The following HECW2 variants were observed in gnomAD, a reference collection of about 807,000 sequenced individuals.
The protein encoded by HECW2 is E3 ubiquitin-protein ligase HECW2.
A neutral mutation model predicts 175.2 loss-of-function variants in HECW2; 61 were observed. The ratio of observed to expected loss-of-function variants is 0.35; its 90% CI spans 0.28 to 0.43. The LOEUF (loss-of-function observed/expected upper bound fraction) is 0.43, where lower values mean the gene tolerates loss of function less well. Ranked by LOEUF, HECW2 falls within the 20% of genes least tolerant of loss-of-function variation. The pLI, the probability that HECW2 is intolerant of heterozygous loss-of-function variation, is 1.00. For synonymous variants in HECW2, 671 were observed against 731.0 expected (o/e 0.92, Z 1.32); for missense variants, 1,524 against 2,000.5 (o/e 0.76, Z 4.54).
intron 18 of HECW2, among the ~76,000 whole-genome samples, chr2:196,254,744 T>A (rs559797648): frequency 1.3e-5 from 2 of 152,312 alleles, no homozygotes; most frequent in East Asian, 3.9e-4. Flanking sequence ...CCAGACAATA[T>A]GAGAGTTCTT....
At chr2:196,336,567 A>T (rs1692557707) in intron 3 of HECW2, among the ~76,000 whole-genome samples, 1 of 151,948 alleles carries the variant, frequency 6.6e-6, no homozygotes, top group Non-Finnish European at 1.5e-5. Flanking sequence ...TCTTCCCCTA[A>T]CTCTGTCTCA....
At chr2:196,584,031 A>T (rs1690889005) in intron 1 of HECW2, among the ~76,000 whole-genome samples, 1 of 151,880 alleles carries the variant, frequency 6.6e-6, no homozygotes, top group East Asian at 1.9e-4. Context: ...TAAGATACTT[A>T]CTCCACCCTT....
At chr2:196,505,476 G>A (rs1383168674) in intron 1 of HECW2, among the ~76,000 whole-genome samples, 11 of 152,020 alleles carry the variant, frequency 7.2e-5, no homozygotes, top group Admixed American at 7.2e-4. Flanking sequence ...GGAGGTGGAG[G>A]CTGCAGTGAA....
chr2:196,246,936 A>G (rs184617547), intron 19 of HECW2, among the ~76,000 whole-genome samples: 1 of 152,326 alleles, frequency 6.6e-6, no homozygotes, highest in East Asian at 1.9e-4. Flanking sequence ...TCCATCATGA[A>G]AGAAGTCATT....
intron 7 of HECW2, 21 bp downstream of exon 7, chr2:196,322,457 C>T (rs1299526721): frequency 6.2e-7 from 1 of 1,601,056 alleles, no homozygotes; most frequent in Non-Finnish European, 8.5e-7. Flanking sequence ...AACAAGATCC[C>T]CAAAGGTAAG....
intron 14 of HECW2, among the ~76,000 whole-genome samples, chr2:196,281,176 C>A (rs544111449): frequency 6.6e-6 from 1 of 152,256 alleles, no homozygotes; most frequent in East Asian, 1.9e-4. Flanking sequence ...AACTATACTG[C>A]AAAAGCCTTG....
chr2:196,582,726 A>C (rs1690834295), intron 1 of HECW2, among the ~76,000 whole-genome samples: 1 of 152,146 alleles, frequency 6.6e-6, no homozygotes, highest in African/African-American at 2.4e-5. Flanking sequence ...AGACACCACA[A>C]CAGCACGTGA....
chr2:196,346,152 T>C (rs1341062015), intron 2 of HECW2, among the ~76,000 whole-genome samples: 2 of 152,252 alleles, frequency 1.3e-5, no homozygotes, highest in African/African-American at 4.8e-5. Flanking sequence ...AAAGCAACTG[T>C]AAAAAAGTTG....
chr2:196,556,310 T>C (rs147724076), intron 1 of HECW2, among the ~76,000 whole-genome samples: 100 of 152,304 alleles, frequency 6.6e-4, no homozygotes, highest in Non-Finnish European at 2.5e-4. Flanking sequence ...GGCGAGAATA[T>C]GTAAGATCTA....
In HECW2 at chr2:196,491,491, T is replaced by C. The variant is rs201370964; in HGVS notation, c.-35-58033A>G. On this transcript the variant is annotated intron_variant, in intron 1 of 28. Transcript: ENST00000644978. ...GTGTGTGTATATATATATATACACATATATATATATACACACACACACACA... is the reference window on the plus strand; with the variant it reads ...GTGTGTGTATATATATATATACACACATATATATATACACACACACACACA... Among the ~76,000 whole-genome samples, 237 of 58,394 alleles carry C rather than the reference T, an allele frequency of 4.1e-3. 3 individuals are homozygous for C. The highest frequency in any genetic ancestry group is 0.02 in the East Asian group (41 of 2,056). 38.3% of individuals were successfully genotyped at this position (58,394 alleles called of 152,430 possible).
chr2:196,216,004 A>G (rs1483092843), intron 27 of HECW2, 27 bp from the exon 28 acceptor site: 1 of 1,533,100 alleles, frequency 6.5e-7, no homozygotes, highest in Non-Finnish European at 9.0e-7. Flanking sequence ...ACAGAAGGAG[A>G]AGGTGAAGCC....
At chr2:196,415,262 T>C (rs926833509) in intron 2 of HECW2, among the ~76,000 whole-genome samples, 4 of 152,154 alleles carry the variant, frequency 2.6e-5, no homozygotes, top group African/African-American at 7.2e-5. Flanking sequence ...TGGATGTGCA[T>C]GTTAAAAGTG....
At chr2:196,235,426 C>T (rs1688210546) in intron 21 of HECW2, among the ~76,000 whole-genome samples, 1 of 151,934 alleles carries the variant, frequency 6.6e-6, no homozygotes, top group Admixed American at 6.6e-5. Flanking sequence ...AAATTGAATA[C>T]ATACATCTCT....
intron 19 of HECW2, among the ~76,000 whole-genome samples, chr2:196,248,876 GCTCT>G (rs541711972): frequency 4.9e-4 from 75 of 152,206 alleles, no homozygotes; most frequent in African/African-American, 1.7e-3. Flanking sequence ...GCTCTTCTGT[GCTCT>G]CTGAGTGTTT....
chr2:196,405,921 C>T (rs556737314), intron 2 of HECW2, among the ~76,000 whole-genome samples: 2 of 152,242 alleles, frequency 1.3e-5, no homozygotes, highest in Non-Finnish European at 2.9e-5. Flanking sequence ...GCCCAGTGGT[C>T]GCTTCTCTGT....
Position 196,307,994 on chromosome 2 carries a change from T to C in HECW2, c.2526A>G (p.Pro842=), listed in dbSNP as rs1691333135. The change falls in exon 11 of 29, where the codon CCA becomes CCG. Residue 842 remains proline (P), a synonymous_variant. Transcript: ENST00000644978. ...TAGATCTCTGCAGCACCTGCGGGGC[T>C]GGGGGAGCTGTCGGTCGCTGCCACG... ...TTTWQRPTAP[P]APQVLQRSNS... The C allele has an allele frequency of 6.2e-7, 1 of 1,606,070 alleles. No homozygotes were observed. The highest frequency in any genetic ancestry group is 2.2e-5 in the East Asian group (1 of 44,800).
chr2:196,585,752 C>G (rs1228499365), intron 1 of HECW2, among the ~76,000 whole-genome samples: 1 of 152,000 alleles, frequency 6.6e-6, no homozygotes, highest in Non-Finnish European at 1.5e-5. Context: ...GGAGGGTATC[C>G]AATACCACTA....
At chr2:196,488,608 A>C (rs924525917) in intron 1 of HECW2, among the ~76,000 whole-genome samples, 3 of 151,552 alleles carry the variant, frequency 2.0e-5, no homozygotes, top group Non-Finnish European at 4.4e-5. Context: ...ATGAGATACT[A>C]ATTTTATCAT....
chr2:196,268,438 G>T (rs1689597872), intron 17 of HECW2, among the ~76,000 whole-genome samples: 1 of 152,144 alleles, frequency 6.6e-6, no homozygotes, highest in African/African-American at 2.4e-5. Flanking sequence ...ATCTTTAGGA[G>T]ATTAGAGACT....
Sources: gnomAD v4.1 joint callset for allele counts (sites outside exome capture counted in the v4.1 genomes callset) on GRCh38, gnomAD v4.1.1 for gene constraint, MANE v1.5 for transcripts, NCBI Gene and HGNC (gene_info 2026-07-23, HGNC 2026-07-21) for gene names.